The following THSD7B variants were observed in gnomAD, a reference collection of about 807,000 sequenced individuals.
THSD7B encodes the protein thrombospondin type-1 domain-containing protein 7B.
In THSD7B, 138 loss-of-function variants were observed where a neutral mutation model predicts 213.6. The observed-to-expected ratio is 0.65, with a 90% CI of 0.56 to 0.74. The LOEUF (loss-of-function observed/expected upper bound fraction) is 0.74. Among genes scored for constraint, THSD7B ranks in the 30% least tolerant of loss-of-function variants. THSD7B has a pLI of 0.00. For missense variants in THSD7B, 1,931 were observed against 1,991.5 expected (o/e 0.97, Z 0.58); for synonymous variants, 742 against 687.0 (o/e 1.08, Z -1.25).
chr2:136,987,431 G>A (rs1303551123), intron 2 of THSD7B, among the ~76,000 whole-genome samples: 2 of 152,148 alleles, frequency 1.3e-5, no homozygotes, highest in Non-Finnish European at 2.9e-5. Context: ...AGCTGTAAAT[G>A]GAAGAAAAAC....
intron 15 of THSD7B, among the ~76,000 whole-genome samples, chr2:137,555,836 A>G (rs1438816963): frequency 6.6e-6 from 1 of 152,232 alleles, no homozygotes; most frequent in African/African-American, 2.4e-5. Flanking sequence ...ACCAATGCAG[A>G]GAAGTCCTTA....
chr2:137,039,185 C>A (rs1254102450), intron 2 of THSD7B, among the ~76,000 whole-genome samples: 1 of 152,154 alleles, frequency 6.6e-6, no homozygotes, highest in Non-Finnish European at 1.5e-5. Context: ...TGGAGAATAG[C>A]AATGGGTTTC....
chr2:136,778,454 C>A (rs1681654645), intron 1 of THSD7B, among the ~76,000 whole-genome samples: 1 of 152,086 alleles, frequency 6.6e-6, no homozygotes, highest in Non-Finnish European at 1.5e-5. Flanking sequence ...AGGTGAATAT[C>A]TACCCCCACA....
chr2:137,620,749 C>T, intron 20 of THSD7B, 23 bp downstream of exon 20: 1 of 1,572,300 alleles, frequency 6.4e-7, no homozygotes, highest in Non-Finnish European at 8.7e-7. Flanking sequence ...CCATATTTCC[C>T]ACTAACTAGT....
At chr2:136,867,542 G>T (rs538308518) in intron 1 of THSD7B, among the ~76,000 whole-genome samples, 51 of 152,150 alleles carry the variant, frequency 3.4e-4, no homozygotes, top group Non-Finnish European at 6.3e-4. Context: ...ATATTATATA[G>T]TAAATAGAGT....
chr2:137,584,764 C>A (rs954519360), intron 17 of THSD7B, among the ~76,000 whole-genome samples: 13 of 152,196 alleles, frequency 8.5e-5, no homozygotes, highest in Non-Finnish European at 1.8e-4. Flanking sequence ...ATTTTTGCAT[C>A]GATGTTCATA....
chr2:136,900,147 A>G (rs529912118), intron 2 of THSD7B, among the ~76,000 whole-genome samples: 42 of 152,330 alleles, frequency 2.8e-4, no homozygotes, highest in Middle Eastern at 6.8e-3. Context: ...ATGATCTGAC[A>G]TGTTTGCAGC....
At chr2:137,174,076 G>C (rs1406600394) in intron 7 of THSD7B, among the ~76,000 whole-genome samples, 4 of 151,928 alleles carry the variant, frequency 2.6e-5, no homozygotes, top group Non-Finnish European at 5.9e-5. Context: ...CTTTATTTTT[G>C]ATTTTTTAAA....
At position 137,284,661 on chromosome 2, in the gene THSD7B, C is replaced by T. The variant is rs542241144; in HGVS notation, c.2500+8635C>T. 6.6e-5 allele frequency among the ~76,000 whole-genome samples: 10 copies of T among 152,032 alleles called. No homozygotes were observed. In the East Asian group the frequency reaches 9.7e-4, roughly 15 times the overall value. ...TCTGCCTTCATTTTATTATGCATCC[C>T]GTAGTCATTCAGGAGCAGGTTGTTC... On this transcript the variant is annotated intron_variant, in intron 12 of 27. Transcript: ENST00000409968.
chr2:137,586,146 T>G (rs1161823466), intron 17 of THSD7B, among the ~76,000 whole-genome samples: 1 of 152,168 alleles, frequency 6.6e-6, no homozygotes, highest in African/African-American at 2.4e-5. Flanking sequence ...TATCAGAGAC[T>G]AGGATTGCAA....
chr2:136,863,449 C>T (rs1368313468), intron 1 of THSD7B, among the ~76,000 whole-genome samples: 1 of 152,190 alleles, frequency 6.6e-6, no homozygotes, highest in Non-Finnish European at 1.5e-5. Context: ...GCCCAAGGGG[C>T]CATCCAGATC....
chr2:137,008,800 C>T (rs1686167580), intron 2 of THSD7B, among the ~76,000 whole-genome samples: 1 of 152,042 alleles, frequency 6.6e-6, no homozygotes, highest in Admixed American at 6.6e-5. Context: ...ATAAATTGTG[C>T]CTGTTGTAAT....
chr2:137,451,619 G>A (rs1687654464), intron 15 of THSD7B, among the ~76,000 whole-genome samples: 2 of 151,862 alleles, frequency 1.3e-5, no homozygotes, highest in African/African-American at 4.8e-5. Context: ...CCATATACAT[G>A]TCTAATGAAA....
intron 1 of THSD7B, among the ~76,000 whole-genome samples, chr2:136,851,575 G>A (rs1683099773): frequency 6.6e-6 from 1 of 152,050 alleles, no homozygotes; most frequent in Admixed American, 6.6e-5. Context: ...CATGTCAGTG[G>A]GTCAGCTGGA....
At position 137,397,754 on chromosome 2, in the gene THSD7B, C is replaced by A. The variant is rs552287484; in HGVS notation, c.2501-7859C>A. On this transcript the variant is annotated intron_variant, in intron 12 of 27. Coordinates refer to ENST00000409968, the MANE Select transcript of THSD7B (RefSeq NM_001316349.2). ...ATATTATCTCCTGGATAATATCCTG[C>A]AGAGTGTTTTCCAACTTGGTTCCAT... Among the ~76,000 whole-genome samples the A allele has an allele frequency of 1.0e-3, 152 of 151,890 alleles. 1 individual carries two copies. The highest frequency in any genetic ancestry group is 3.7e-3 in the African/African-American group (151 of 41,326).
intron 2 of THSD7B, among the ~76,000 whole-genome samples, chr2:136,965,032 G>T (rs1019053927): frequency 1.3e-4 from 19 of 148,478 alleles, no homozygotes; most frequent in Middle Eastern, 3.5e-3. Flanking sequence ...AAAAAAAAGG[G>T]TTGTTTATAC....
chr2:136,946,934 A>C (rs1456917653), intron 2 of THSD7B, among the ~76,000 whole-genome samples: 1 of 151,460 alleles, frequency 6.6e-6, no homozygotes, highest in East Asian at 1.9e-4. Flanking sequence ...AACCCCTTGC[A>C]CTTCCTGGGT....
chr2:136,825,680 T>C (rs567599030), intron 1 of THSD7B, among the ~76,000 whole-genome samples: 19 of 150,094 alleles, frequency 1.3e-4, no homozygotes, highest in African/African-American at 4.7e-4. Flanking sequence ...GCCTCCCGAG[T>C]AGCTGGGACT....
chr2:137,393,698 A>G lies in THSD7B; in HGVS notation c.2501-11915A>G, dbSNP rs539389920. Among the ~76,000 whole-genome samples the G allele has an allele frequency of 1.4e-3, 196 of 141,114 alleles. 20 individuals carry two copies. The highest frequency in any genetic ancestry group is 4.9e-3 in the African/African-American group (187 of 38,342). 92.6% of individuals were successfully genotyped at this position (141,114 alleles called of 152,430 possible). ...CCCAGTAATGGGATGGCTGGGTCAAATGGTATTTCTAGCTCTAGATCCCTG... is the reference window on the plus strand; with the variant it reads ...CCCAGTAATGGGATGGCTGGGTCAAGTGGTATTTCTAGCTCTAGATCCCTG... On this transcript the variant is annotated intron_variant, in intron 12 of 27. Coordinates refer to ENST00000409968, the MANE Select transcript of THSD7B (RefSeq NM_001316349.2).
Sources: allele counts gnomAD v4.1 joint callset (sites outside exome capture counted in the v4.1 genomes callset), GRCh38; gene constraint gnomAD v4.1.1; transcripts MANE v1.5; gene names NCBI Gene and HGNC (gene_info 2026-07-23, HGNC 2026-07-21).